SMAP2: variants seen among roughly 807,000 people sequenced by gnomAD.
SMAP2 encodes the protein small ArfGAP2, also known as stromal membrane-associated protein 2.
Under a neutral mutation model 56.4 loss-of-function variants are expected in SMAP2, and 25 were observed. The ratio of observed to expected loss-of-function variants is 0.44; its 90% CI spans 0.32 to 0.62. The LOEUF (loss-of-function observed/expected upper bound fraction) is 0.62. Ranked by LOEUF, SMAP2 falls within the 20% of genes least tolerant of loss-of-function variation. The pLI is 0.04. For synonymous variants in SMAP2, 157 were observed against 181.7 expected, an observed-to-expected ratio of 0.86 and a Z score of 1.09; for missense variants, 388 against 545.6, an observed-to-expected ratio of 0.71 and a Z score of 2.88.
chr1:40,398,257 C>G (rs1002270609), intron 1 of SMAP2, among the ~76,000 whole-genome samples: 2 of 151,838 alleles, frequency 1.3e-5, no homozygotes, highest in African/African-American at 4.8e-5. Flanking sequence ...TTGACAAGGT[C>G]TCACTCTGTT....
At chr1:40,398,190 T>C (rs572634862) in intron 1 of SMAP2, among the ~76,000 whole-genome samples, 1 of 152,256 alleles carries the variant, frequency 6.6e-6, no homozygotes, top group East Asian at 1.9e-4. Context: ...AATTTACATA[T>C]AGTCTTCTAG....
chr1:40,355,379 A>G (rs1644430893), intron 1 of SMAP2, among the ~76,000 whole-genome samples: 1 of 152,060 alleles, frequency 6.6e-6, no homozygotes, highest in Non-Finnish European at 1.5e-5. Context: ...TATACTTTCA[A>G]TATGTATTTA....
chr1:40,417,363 C>A (rs1213040750), intron 9 of SMAP2, among the ~76,000 whole-genome samples: 1 of 151,212 alleles, frequency 6.6e-6, no homozygotes, highest in East Asian at 1.9e-4. Context: ...AACAAACACA[C>A]AAAGAAACCC....
chr1:40,384,368 A>G (rs1040794554), intron 1 of SMAP2, among the ~76,000 whole-genome samples: 43 of 152,206 alleles, frequency 2.8e-4, no homozygotes, highest in African/African-American at 1.0e-3. Flanking sequence ...GTTTTCTTCT[A>G]CCCTGACCTG....
At chr1:40,369,392 G>A (rs79053646), upstream of SMAP2, among the ~76,000 whole-genome samples, 47 of 144,918 alleles carry the variant, frequency 3.2e-4, no homozygotes, top group Admixed American at 4.1e-4. Context: ...AGCCCACATC[G>A]CCAAGTCAAT....
chr1:40,410,678 T>C (rs1644926485), intron 4 of SMAP2, among the ~76,000 whole-genome samples: 2 of 152,112 alleles, frequency 1.3e-5, no homozygotes, highest in Admixed American at 6.5e-5. Context: ...CAAGAACACA[T>C]TCCATCCTAG....
At chr1:40,415,119 C>G (rs1324030917) in intron 6 of SMAP2, among the ~76,000 whole-genome samples, 153 bp from the exon 7 acceptor site, 1 of 152,184 alleles carries the variant, frequency 6.6e-6, no homozygotes, top group Non-Finnish European at 1.5e-5. Flanking sequence ...GGTGAAGCCT[C>G]TTTTGAGAAG....
chr1:40,359,026 GTTAC>G (rs1446016912), intron 1 of SMAP2, among the ~76,000 whole-genome samples: 1 of 152,048 alleles, frequency 6.6e-6, no homozygotes, highest in Non-Finnish European at 1.5e-5. Flanking sequence ...TATAAATATA[GTTAC>G]TTCTGTTCTT....
chr1:40,346,592 A>G (rs1393532819), intron 1 of SMAP2, among the ~76,000 whole-genome samples: 1 of 151,778 alleles, frequency 6.6e-6, no homozygotes, highest in Non-Finnish European at 1.5e-5. Context: ...CTAGTCTCAA[A>G]CTCCTGGCCT....
intron 2 of SMAP2, among the ~76,000 whole-genome samples, chr1:40,407,653 C>CATTTCTG (rs1486048600): frequency 7.9e-5 from 12 of 151,820 alleles, no homozygotes; most frequent in Admixed American, 3.9e-4. Flanking sequence ...GTAAACTCAT[C>CATTTCTG]ATTTCTGATA....
chr1:40,347,293 G>A lies in SMAP2; in HGVS notation c.-83+2383G>A, dbSNP rs145619262. Among the ~76,000 whole-genome samples, 212 of 147,070 alleles carry A rather than the reference G, an allele frequency of 1.4e-3. 1 individual carries two copies. The East Asian group carries it at 0.02, about 14-fold the overall frequency. ...TAAAGCAAAGATGGAGTTTCACCACGTTGGCCAGGCTGGTCTCGAACTCTT... is the reference window on the plus strand; with the variant it reads ...TAAAGCAAAGATGGAGTTTCACCACATTGGCCAGGCTGGTCTCGAACTCTT... On this transcript the variant is annotated intron_variant, in intron 1 of 6. Coordinates refer to the SMAP2 transcript ENST00000435168.
chr1:40,418,207 A>G (rs139979553), intron 9 of SMAP2, among the ~76,000 whole-genome samples: 74 of 152,354 alleles, frequency 4.9e-4, no homozygotes, highest in African/African-American at 1.7e-3. Context: ...ATGAAAGTTT[A>G]CTAAACTCAG....
At chr1:40,357,890 G>T (rs1644443891) in intron 1 of SMAP2, among the ~76,000 whole-genome samples, 1 of 151,982 alleles carries the variant, frequency 6.6e-6, no homozygotes, top group Non-Finnish European at 1.5e-5. Context: ...TTTTGCTCAG[G>T]ATAGCTTTAG....
chr1:40,383,347 TCC>T (rs942433401), intron 1 of SMAP2, among the ~76,000 whole-genome samples: 2 of 152,112 alleles, frequency 1.3e-5, no homozygotes, highest in African/African-American at 4.8e-5. Context: ...CCTCAGTGCC[TCC>T]CATTGATGGA....
At chr1:40,381,424 A>G (rs956679216) in intron 1 of SMAP2, among the ~76,000 whole-genome samples, 1 of 152,268 alleles carries the variant, frequency 6.6e-6, no homozygotes, top group Non-Finnish European at 1.5e-5. Context: ...TCATGGCTTC[A>G]AAGAGAAAAG....
At chr1:40,383,501 T>C (rs1347677493) in intron 1 of SMAP2, among the ~76,000 whole-genome samples, 5 of 152,178 alleles carry the variant, frequency 3.3e-5, no homozygotes, top group Admixed American at 2.6e-4. Flanking sequence ...TTTCCCCTTA[T>C]AGTATTTGAA....
At chr1:40,383,164 G>C (rs967779754) in intron 1 of SMAP2, among the ~76,000 whole-genome samples, 8 of 152,130 alleles carry the variant, frequency 5.3e-5, no homozygotes, top group Non-Finnish European at 1.2e-4. Context: ...GCAATGCCTG[G>C]GAACTACTAT....
intron 9 of SMAP2, among the ~76,000 whole-genome samples, chr1:40,420,320 A>C (rs1645029887): frequency 3.3e-5 from 5 of 152,202 alleles, no homozygotes; most frequent in Admixed American, 2.6e-4. Context: ...TCTGATGGGA[A>C]TATGTCAGAG....
At chr1:40,365,750 G>GA (rs1381635729) in intron 2 of SMAP2, among the ~76,000 whole-genome samples, 3 of 151,982 alleles carry the variant, frequency 2.0e-5, no homozygotes, top group Non-Finnish European at 4.4e-5. Context: ...CAAAGATGGG[G>GA]AAAAAACAGA....
Sources: allele counts gnomAD v4.1 joint callset (sites outside exome capture counted in the v4.1 genomes callset), GRCh38; gene constraint gnomAD v4.1.1; transcripts MANE v1.5; gene names NCBI Gene and HGNC (gene_info 2026-07-23, HGNC 2026-07-21).